MCTP1: variants seen among roughly 807,000 people sequenced by gnomAD.
The protein encoded by MCTP1 is multiple C2 and transmembrane domain containing 1.
MCTP1 carries 69 observed loss-of-function variants against 120.6 expected under a neutral mutation model. The observed-to-expected ratio is 0.57, with a 90% CI of 0.47 to 0.70. The LOEUF (loss-of-function observed/expected upper bound fraction) is 0.70, where lower values mean the gene tolerates loss of function less well. MCTP1 is among the 30% of genes least tolerant of loss of function. MCTP1 has a pLI of 0.00. For synonymous variants in MCTP1, 529 were observed against 493.1 expected (o/e 1.07, Z -0.96); for missense variants, 1,203 against 1,248.8 (o/e 0.96, Z 0.55).
intron 3 of MCTP1, among the ~76,000 whole-genome samples, chr5:94,947,876 C>A (rs1014600380): frequency 6.6e-6 from 1 of 150,910 alleles, no homozygotes; most frequent in Non-Finnish European, 1.5e-5. Context: ...CTCACCTCAG[C>A]GCCCCAAAGT....
chr5:94,889,524 G>A (rs1213594287), intron 11 of MCTP1, among the ~76,000 whole-genome samples: 1 of 152,160 alleles, frequency 6.6e-6, no homozygotes, highest in Non-Finnish European at 1.5e-5. Flanking sequence ...GGGAGGCAGA[G>A]GTTGCAGTGA....
At chr5:94,748,773 G>C (rs1243197683) in intron 19 of MCTP1, among the ~76,000 whole-genome samples, 2 of 152,196 alleles carry the variant, frequency 1.3e-5, no homozygotes, top group Non-Finnish European at 2.9e-5. Flanking sequence ...AAGCACTGTA[G>C]CACTACATTT....
intron 1 of MCTP1, among the ~76,000 whole-genome samples, chr5:95,187,651 C>T (rs2152526071): frequency 6.6e-6 from 1 of 152,272 alleles, no homozygotes; most frequent in East Asian, 1.9e-4. Flanking sequence ...CCACCCGCCT[C>T]AGTCTCCTAA....
At chr5:94,836,897 G>C (rs1789918488) in intron 17 of MCTP1, among the ~76,000 whole-genome samples, 1 of 152,208 alleles carries the variant, frequency 6.6e-6, no homozygotes, top group Non-Finnish European at 1.5e-5. Context: ...AATATGTTCT[G>C]TTATATAGAG....
intron 2 of MCTP1, among the ~76,000 whole-genome samples, chr5:95,015,306 C>T (rs540931620): frequency 5.5e-4 from 84 of 152,092 alleles, no homozygotes; most frequent in Middle Eastern, 6.8e-3. Flanking sequence ...TATTTCTTAT[C>T]CCCTTAGATG....
At chr5:95,126,019 T>A (rs1450748635) in intron 1 of MCTP1, among the ~76,000 whole-genome samples, 1 of 152,170 alleles carries the variant, frequency 6.6e-6, no homozygotes, top group Non-Finnish European at 1.5e-5. Flanking sequence ...CTTTGTTTTT[T>A]AAAAAAAATT....
At chr5:95,259,467 C>T (rs112206802) in intron 1 of MCTP1, among the ~76,000 whole-genome samples, 1 of 152,290 alleles carries the variant, frequency 6.6e-6, no homozygotes, top group East Asian at 1.9e-4. Context: ...AATGGCTCCT[C>T]TAATGTTACT....
intron 15 of MCTP1, 114 bp downstream of exon 15, chr5:94,870,758 A>G (rs1797702979): frequency 1.2e-6 from 1 of 800,618 alleles, no homozygotes; most frequent in Non-Finnish European, 2.1e-6. Flanking sequence ...TCTCCAGGAC[A>G]CATGAAGGTT....
chr5:95,019,450 CT>C (rs987057543), intron 1 of MCTP1, among the ~76,000 whole-genome samples: 1 of 151,788 alleles, frequency 6.6e-6, no homozygotes, highest in Non-Finnish European at 1.5e-5. Context: ...CTAGTAACCA[CT>C]TTTTTTTCTG....
intron 1 of MCTP1, among the ~76,000 whole-genome samples, chr5:95,086,151 T>C (rs1371742940): frequency 6.6e-6 from 1 of 152,118 alleles, no homozygotes; most frequent in African/African-American, 2.4e-5. Flanking sequence ...TCATGAAGCA[T>C]TACCAACAAT....
chr5:94,862,822 A>G (rs1236880955), intron 17 of MCTP1, among the ~76,000 whole-genome samples: 1 of 151,854 alleles, frequency 6.6e-6, no homozygotes, highest in Non-Finnish European at 1.5e-5. Context: ...GCGAAAATGT[A>G]TATTTTGAGT....
chr5:95,095,312 C>T (rs1370246805), intron 1 of MCTP1, among the ~76,000 whole-genome samples: 1 of 152,108 alleles, frequency 6.6e-6, no homozygotes, highest in East Asian at 1.9e-4. Context: ...CGTGAGCCAC[C>T]GCGCCCGGCC....
At chr5:94,850,239 G>A (rs984674165) in intron 17 of MCTP1, among the ~76,000 whole-genome samples, 5 of 152,092 alleles carry the variant, frequency 3.3e-5, no homozygotes, top group Non-Finnish European at 7.4e-5. Context: ...CCACCTATAT[G>A]GGGTCACAAT....
At position 95,281,110 on chromosome 5, in the gene MCTP1, G is replaced by A. The variant is rs570971010; in HGVS notation, c.720+2746C>T. The stretch of plus-strand genomic sequence containing the variant: ...CTTTTCATCTAGGCACTCTAAAGAT[G>A]TATTAAATACTTTTATTGTGTTTCT... On this transcript the variant is annotated intron_variant, in intron 1 of 22. Transcript: ENST00000515393. 4.6e-5 allele frequency among the ~76,000 whole-genome samples: 7 copies of A among 152,334 alleles called. No individual in the cohort carries two copies. In the South Asian group the frequency reaches 1.4e-3, roughly 32 times the overall value.
At chr5:95,272,113 T>A (rs923042260) in intron 1 of MCTP1, among the ~76,000 whole-genome samples, 1 of 152,162 alleles carries the variant, frequency 6.6e-6, no homozygotes, top group Non-Finnish European at 1.5e-5. Context: ...ATGATATGCA[T>A]GAAAGAGTAG....
At chr5:94,733,496 C>T (rs2152710721) in intron 19 of MCTP1, among the ~76,000 whole-genome samples, 1 of 152,258 alleles carries the variant, frequency 6.6e-6, no homozygotes, top group South Asian at 2.1e-4. Context: ...TTAGGATGGT[C>T]ACAAGTAATA....
At chr5:95,146,122 T>G (rs1185467662) in intron 1 of MCTP1, among the ~76,000 whole-genome samples, 4 of 152,152 alleles carry the variant, frequency 2.6e-5, no homozygotes, top group African/African-American at 9.7e-5. Flanking sequence ...CTTGGGAGAT[T>G]ATTTGTTTCC....
intron 1 of MCTP1, among the ~76,000 whole-genome samples, chr5:95,276,954 A>AAAAC (rs375143230): frequency 2.7e-3 from 416 of 152,042 alleles, no homozygotes; most frequent in East Asian, 0.019. Context: ...TCGGTCTCAA[A>AAAAC]AAACAAACAA....
chr5:95,033,709 TCCTAG>T (rs1355728225), intron 1 of MCTP1, among the ~76,000 whole-genome samples: 3 of 151,370 alleles, frequency 2.0e-5, no homozygotes, highest in Non-Finnish European at 1.5e-5. Context: ...AACATAGGAG[TCCTAG>T]CCAGAGCAAT....
Sources: gnomAD v4.1 joint callset for allele counts (sites outside exome capture counted in the v4.1 genomes callset) on GRCh38, gnomAD v4.1.1 for gene constraint, MANE v1.5 for transcripts, NCBI Gene and HGNC (gene_info 2026-07-23, HGNC 2026-07-21) for gene names.